The following KCNQ1OT1 variants were observed in gnomAD, a reference collection of about 807,000 sequenced individuals.
KCNQ1OT1 encodes KCNQ1 antisense RNA 2 (non-protein coding).
chr11:2,657,252 A>G lies in KCNQ1OT1; in HGVS notation n.42743T>C. The G allele has an allele frequency of 2.5e-6, 1 of 398,640 alleles. No homozygotes were observed. The highest frequency in any genetic ancestry group is 2.1e-5 in the African/African-American group (1 of 48,752). The allele number at this position is 398,640 out of a possible 1,614,324, so 24.7% of individuals were successfully genotyped here. A position where few individuals can be genotyped will look rare whatever the true frequency, so the allele number is the denominator to read the frequency against. ...AGAATCAGCTTGCCAAAGTTCTCAC[A>G]CAGAAGCCTTGAGATTTTTATTAAG... On this transcript the variant is annotated non_coding_transcript_exon_variant, in exon 1 of 1. Transcript: ENST00000597346. This position sits in a 1 kb window ranked among gnomAD's most constrained non-coding sequence, Gnocchi z 4.8.
At position 2,617,528 on chromosome 11, in the gene KCNQ1OT1, G is replaced by C; in HGVS notation, n.82467C>G. On this transcript the variant is annotated non_coding_transcript_exon_variant, in exon 1 of 1. Coordinates refer to ENST00000597346, the Ensembl canonical transcript of KCNQ1OT1. This position sits in a 1 kb window ranked among gnomAD's most constrained non-coding sequence, Gnocchi z 4.6. Reference sequence around the variant, plus strand: ...ATATAATGCCACAATGAATATAGGAGCGCAGATATCTTTATGAGGTGGAGA... The same window carrying C: ...ATATAATGCCACAATGAATATAGGACCGCAGATATCTTTATGAGGTGGAGA... 1 of 398,434 alleles carries C rather than the reference G, an allele frequency of 2.5e-6. No homozygotes were observed. Among genetic ancestry groups the C allele is most frequent in the Non-Finnish European group, 4.4e-6 (1 of 225,968 alleles). 24.7% of individuals were successfully genotyped at this position (398,434 alleles called of 1,614,324 possible).
In KCNQ1OT1 at chr11:2,613,481, C is replaced by T; in HGVS notation, n.86514G>A. The T allele has an allele frequency of 2.5e-6, 1 of 398,558 alleles. No homozygotes were observed. Among genetic ancestry groups the T allele is most frequent in the Non-Finnish European group, 4.4e-6 (1 of 226,066 alleles). 24.7% of individuals were successfully genotyped at this position (398,558 alleles called of 1,614,324 possible). On this transcript the variant is annotated non_coding_transcript_exon_variant, in exon 1 of 1. Transcript: ENST00000597346. The surrounding 1 kb of genome is among the most constrained non-coding windows in gnomAD (Gnocchi z 4.8). Reference sequence around the variant, plus strand: ...AGATGAGCCTTCTTTGTTGCTGGTCCTCAAGCCTACCGTGCCCCTGAGCTT... The same window carrying T: ...AGATGAGCCTTCTTTGTTGCTGGTCTTCAAGCCTACCGTGCCCCTGAGCTT...
At chr11:2,619,936 TGAG>T in exon 1 of KCNQ1OT1, 1 of 385,224 alleles carries the variant, frequency 2.6e-6, no homozygotes, top group Non-Finnish European at 4.5e-6. Context: ...TGCATGATGA[TGAG>T]GTTTGGAGTG....
chr11:2,623,489 TTCTAAAA>T lies in KCNQ1OT1; in HGVS notation n.76499_76505del, dbSNP rs1273408118. 1 of 398,526 alleles carries T rather than the reference TTCTAAAA, an allele frequency of 2.5e-6. No individual in the cohort carries two copies. The highest frequency in any genetic ancestry group is 4.4e-6 in the Non-Finnish European group (1 of 226,072). 24.7% of individuals were successfully genotyped at this position (398,526 alleles called of 1,614,324 possible). A position where few individuals can be genotyped will look rare whatever the true frequency, so the allele number is the denominator to read the frequency against. On this transcript the variant is annotated non_coding_transcript_exon_variant, in exon 1 of 1. Transcript: ENST00000597346. This position sits in a 1 kb window ranked among gnomAD's most constrained non-coding sequence, Gnocchi z 5.2. ...TTTACTGCCTCCATAGCATTGCCTT[TTCTAAAA>T]TGCAATATGATTGGAATCATACAGT...
At chr11:2,667,052 C>T in exon 1 of KCNQ1OT1, 1 of 398,682 alleles carries the variant, frequency 2.5e-6, no homozygotes, top group Non-Finnish European at 4.4e-6. Flanking sequence ...CAGGCTCAAA[C>T]CCGTCTCTGA....
At chr11:2,609,457 G>A in exon 1 of KCNQ1OT1, 1 of 398,278 alleles carries the variant, frequency 2.5e-6, no homozygotes, top group East Asian at 3.6e-5. Context: ...CCTTCTTGGA[G>A]AATGTCTCAT....
At chr11:2,646,385 G>A in exon 1 of KCNQ1OT1, 1 of 398,552 alleles carries the variant, frequency 2.5e-6, no homozygotes, top group Non-Finnish European at 4.4e-6. Context: ...ACTGTTATCA[G>A]TATTTTATAG....
chr11:2,697,548 A>G (rs895356703), exon 1 of KCNQ1OT1: 2 of 398,504 alleles, frequency 5.0e-6, no homozygotes, highest in African/African-American at 4.1e-5. Context: ...TGGCTTGCTA[A>G]GTGGTGTACT....
Position 2,674,545 on chromosome 11 carries a change from A to C in KCNQ1OT1, n.25450T>G, listed in dbSNP as rs1449224892. 7.5e-6 allele frequency: 3 copies of C among 398,508 alleles called. No homozygotes were observed. Among genetic ancestry groups the C allele is most frequent in the Non-Finnish European group, 1.3e-5 (3 of 226,078 alleles). The allele number at this position is 398,508 out of a possible 1,614,324, so 24.7% of individuals were successfully genotyped here. A position where few individuals can be genotyped will look rare whatever the true frequency, so the allele number is the denominator to read the frequency against. ...CAAAGCCCATTCGGAGGATTTAGAC[A>C]AATACCTCGAGTGAGTGAATCTGAA... On this transcript the variant is annotated non_coding_transcript_exon_variant, in exon 1 of 1. Transcript: ENST00000597346. The surrounding 1 kb of genome is among the most constrained non-coding windows in gnomAD (Gnocchi z 5.9).
At position 2,658,033 on chromosome 11, in the gene KCNQ1OT1, GA is replaced by G. The variant is rs1255568168; in HGVS notation, n.41961del. 2 of 398,420 alleles carry G rather than the reference GA, an allele frequency of 5.0e-6. No homozygotes were observed. The highest frequency in any genetic ancestry group is 8.8e-5 in the Admixed American group (2 of 22,714). 24.7% of individuals were successfully genotyped at this position (398,420 alleles called of 1,614,324 possible). On this transcript the variant is annotated non_coding_transcript_exon_variant, in exon 1 of 1. Coordinates refer to ENST00000597346, the Ensembl canonical transcript of KCNQ1OT1. The surrounding 1 kb of genome is among the most constrained non-coding windows in gnomAD (Gnocchi z 4.9). ...TTCCCTTTCCATAGCTTAGTCTTTA[GA>G]AGCGAGTCACTAAGTATAGCCCACA...
At position 2,613,479 on chromosome 11, in the gene KCNQ1OT1, T is replaced by G; in HGVS notation, n.86516A>C. On this transcript the variant is annotated non_coding_transcript_exon_variant, in exon 1 of 1. Coordinates refer to ENST00000597346, the Ensembl canonical transcript of KCNQ1OT1. This position sits in a 1 kb window ranked among gnomAD's most constrained non-coding sequence, Gnocchi z 4.8. ...TCAGATGAGCCTTCTTTGTTGCTGG[T>G]CCTCAAGCCTACCGTGCCCCTGAGC... The G allele has an allele frequency of 2.5e-6, 1 of 398,618 alleles. No individual in the cohort carries two copies. The highest frequency in any genetic ancestry group is 6.3e-4 in the Middle Eastern group (1 of 1,590). 24.7% of individuals were successfully genotyped at this position (398,618 alleles called of 1,614,324 possible).
chr11:2,687,294 G>C lies in KCNQ1OT1; in HGVS notation n.12701C>G. On this transcript the variant is annotated non_coding_transcript_exon_variant, in exon 1 of 1. Transcript: ENST00000597346. The surrounding 1 kb of genome is among the most constrained non-coding windows in gnomAD (Gnocchi z 5.0). ...CTGGCCTCCCACCTTGCAGCTTTGA[G>C]ATCCCAGGCCTCTCAGGGCTCTGGC... The C allele has an allele frequency of 2.5e-6, 1 of 398,690 alleles. No homozygotes were observed. The highest frequency in any genetic ancestry group is 4.4e-6 in the Non-Finnish European group (1 of 226,114). 24.7% of individuals were successfully genotyped at this position (398,690 alleles called of 1,614,324 possible).
exon 1 of KCNQ1OT1, chr11:2,643,415 C>T (rs989256594): frequency 1.3e-5 from 5 of 398,122 alleles, no homozygotes; most frequent in Admixed American, 8.8e-5. Flanking sequence ...ATAATGACTT[C>T]GTCTCTTTTT....
exon 1 of KCNQ1OT1, chr11:2,666,979 G>A (rs937860346): frequency 6.3e-5 from 25 of 398,616 alleles, no homozygotes; most frequent in African/African-American, 2.1e-4. Flanking sequence ...GGGCCCGCCC[G>A]GGAGGGCTGT....
chr11:2,636,579 C>T lies in KCNQ1OT1; in HGVS notation n.63416G>A, dbSNP rs868214577. 161 of 152,112 alleles carry T rather than the reference C, an allele frequency of 1.1e-3. 1 individual carries two copies. Among genetic ancestry groups the T allele is most frequent in the Middle Eastern group, 3.4e-3 (1 of 292 alleles). The allele number at this position is 152,112 out of a possible 1,614,324, so 9.4% of individuals were successfully genotyped here. ...AAGCTTTTTGATGTGCTGCTGGATTCGGTTTGCCAGTATTTTATTGAGGAT... is the reference window on the plus strand; with the variant it reads ...AAGCTTTTTGATGTGCTGCTGGATTTGGTTTGCCAGTATTTTATTGAGGAT... On this transcript the variant is annotated non_coding_transcript_exon_variant, in exon 1 of 1. Transcript: ENST00000597346.
At chr11:2,641,928 A>G (rs1849586004) in exon 1 of KCNQ1OT1, 1 of 398,342 alleles carries the variant, frequency 2.5e-6, no homozygotes, top group Admixed American at 4.4e-5. Context: ...CTTTGTCAAA[A>G]ATCAGTTGGC....
chr11:2,615,356 T>A, exon 1 of KCNQ1OT1: 2 of 398,116 alleles, frequency 5.0e-6, no homozygotes, highest in Non-Finnish European at 4.4e-6. Flanking sequence ...GTTTTACTGC[T>A]TCCTTTCCAA....
chr11:2,663,476 A>G lies in KCNQ1OT1; in HGVS notation n.36519T>C. ...GTGATCAGTGTTAGTTTAGTGGCTC[A>G]TGTTGTGTGCAATACAGGTGGCAGT... is the stretch of plus-strand genomic sequence containing the variant. On this transcript the variant is annotated non_coding_transcript_exon_variant, in exon 1 of 1. Transcript: ENST00000597346. The surrounding 1 kb of genome is among the most constrained non-coding windows in gnomAD (Gnocchi z 5.2). The G allele has an allele frequency of 2.5e-6, 1 of 398,624 alleles. No homozygotes were observed. Among genetic ancestry groups the G allele is most frequent in the Non-Finnish European group, 4.4e-6 (1 of 226,098 alleles). The allele number at this position is 398,624 out of a possible 1,614,324, so 24.7% of individuals were successfully genotyped here.
At position 2,624,871 on chromosome 11, in the gene KCNQ1OT1, A is replaced by C. The variant is rs1485012093; in HGVS notation, n.75124T>G. 5.0e-6 allele frequency: 2 copies of C among 398,502 alleles called. No homozygotes were observed. The highest frequency in any genetic ancestry group is 4.1e-5 in the African/African-American group (2 of 48,630). 24.7% of individuals were successfully genotyped at this position (398,502 alleles called of 1,614,324 possible). A position where few individuals can be genotyped will look rare whatever the true frequency, so the allele number is the denominator to read the frequency against. On this transcript the variant is annotated non_coding_transcript_exon_variant, in exon 1 of 1. Coordinates refer to ENST00000597346, the Ensembl canonical transcript of KCNQ1OT1. The surrounding 1 kb of genome is among the most constrained non-coding windows in gnomAD (Gnocchi z 4.9). ...TCTTGTGACTGCTGTATTTCATTTA[A>C]CATAATGGCCTCGAGGTTCATCCAT...
Sources: gnomAD v4.1 joint callset for allele counts on GRCh38, gnomAD v4.1.1 for gene constraint, Gnocchi (gnomAD v3.1) non-coding constraint, MANE v1.5 for transcripts, NCBI Gene and HGNC (gene_info 2026-07-23, HGNC 2026-07-21) for gene names.